DLG2: variants seen among roughly 807,000 people sequenced by gnomAD.
DLG2 encodes the protein discs large MAGUK scaffold protein 2, also known as disks large homolog 2.
DLG2 carries 45 observed loss-of-function variants against 132.5 expected under a neutral mutation model. That is an observed-to-expected ratio of 0.34 (90% confidence interval 0.27 to 0.44). The LOEUF is 0.44. Ranked by LOEUF, DLG2 falls within the 20% of genes least tolerant of loss-of-function variation. The probability of loss-of-function intolerance (pLI) is 1.00; values close to 1 mark genes in which losing one functional copy is unlikely to be tolerated. For missense variants in DLG2, 1,045 were observed against 1,196.9 expected (o/e 0.87, Z 1.87); for synonymous variants, 424 against 419.6 (o/e 1.01, Z -0.13).
intron 7 of DLG2, among the ~76,000 whole-genome samples, chr11:84,488,302 G>T (rs1377930963): frequency 6.6e-6 from 1 of 152,122 alleles, no homozygotes; most frequent in Non-Finnish European, 1.5e-5. Flanking sequence ...TGACTTCACT[G>T]GAAAGGAATC....
At chr11:83,526,162 G>A (rs373245364) in intron 21 of DLG2, among the ~76,000 whole-genome samples, 12 of 152,262 alleles carry the variant, frequency 7.9e-5, no homozygotes, top group East Asian at 5.8e-4. Context: ...TAAAGGGAGC[G>A]TAAGGCTTTG....
At chr11:85,004,125 G>T (rs2058441254) in intron 6 of DLG2, among the ~76,000 whole-genome samples, 1 of 152,124 alleles carries the variant, frequency 6.6e-6, no homozygotes, top group African/African-American at 2.4e-5. Flanking sequence ...TATCATTGAT[G>T]GGCATTTGGG....
At position 84,574,851 on chromosome 11, in the gene DLG2, C is replaced by G. The variant is rs974073262; in HGVS notation, c.358-40120G>C. Among the ~76,000 whole-genome samples the G allele has an allele frequency of 2.6e-5, 4 of 152,126 alleles. No homozygotes were observed. The East Asian group carries it at 7.7e-4, about 29-fold the overall frequency. On this transcript the variant is annotated intron_variant, in intron 6 of 27. Transcript: ENST00000376104. ...CTCCACACTTGCCCAAGCCAGAGAC[C>G]TGGGCATTATCTGACTTTTCCCATT...
At chr11:85,583,130 G>GTGTGTGTGTA (rs1555190569) in intron 3 of DLG2, among the ~76,000 whole-genome samples, 23 of 13,602 alleles carry the variant, frequency 1.7e-3, no homozygotes, top group African/African-American at 3.6e-3. Flanking sequence ...GTGTGTGTGT[G>GTGTGTGTGTA]TATATATATA....
chr11:84,777,195 T>C (rs956521381), intron 6 of DLG2, among the ~76,000 whole-genome samples: 1 of 149,596 alleles, frequency 6.7e-6, no homozygotes, highest in Non-Finnish European at 1.5e-5. Flanking sequence ...GACCTCCAGT[T>C]CCATCCATGT....
intron 7 of DLG2, among the ~76,000 whole-genome samples, chr11:84,377,671 G>A (rs1283073600): frequency 1.3e-5 from 2 of 152,098 alleles, no homozygotes; most frequent in Non-Finnish European, 2.9e-5. Flanking sequence ...ACATTACATC[G>A]TATCTACTAT....
intron 4 of DLG2, among the ~76,000 whole-genome samples, chr11:85,228,467 T>C (rs981176074): frequency 2.0e-5 from 3 of 152,096 alleles, no homozygotes; most frequent in Non-Finnish European, 4.4e-5. Flanking sequence ...TTAGAATGCT[T>C]CCCATTTAAG....
At chr11:84,248,560 G>GA (rs1429512322) in intron 8 of DLG2, among the ~76,000 whole-genome samples, 2 of 152,036 alleles carry the variant, frequency 1.3e-5, no homozygotes, top group Non-Finnish European at 2.9e-5. Context: ...CATTAAGTAT[G>GA]AAAAAGTTGA....
intron 6 of DLG2, among the ~76,000 whole-genome samples, chr11:84,870,005 G>A (rs888022125): frequency 6.6e-6 from 1 of 152,192 alleles, no homozygotes; most frequent in Non-Finnish European, 1.5e-5. Flanking sequence ...AATTCCACTG[G>A]CTTCCTGGTT....
At chr11:84,360,711 T>C (rs780657410) in intron 7 of DLG2, among the ~76,000 whole-genome samples, 2 of 151,822 alleles carry the variant, frequency 1.3e-5, no homozygotes, top group African/African-American at 4.8e-5. Context: ...AGGACTATCA[T>C]GAACAGACAG....
intron 7 of DLG2, among the ~76,000 whole-genome samples, chr11:84,336,485 C>T (rs993777561): frequency 1.1e-4 from 17 of 152,156 alleles, no homozygotes; most frequent in Non-Finnish European, 2.4e-4. Context: ...GTATTCCTCC[C>T]TTACTTCCAA....
intron 6 of DLG2, among the ~76,000 whole-genome samples, chr11:84,675,826 A>G (rs1227529130): frequency 6.6e-6 from 1 of 152,090 alleles, no homozygotes; most frequent in Non-Finnish European, 1.5e-5. Context: ...AGGTTTCCCA[A>G]CTGAGAGTAA....
chr11:84,145,433 A>G (rs2095042012), intron 9 of DLG2, among the ~76,000 whole-genome samples: 1 of 152,216 alleles, frequency 6.6e-6, no homozygotes, highest in Non-Finnish European at 1.5e-5. Flanking sequence ...TTGCAACACA[A>G]TAGTGAATAT....
At chr11:85,210,607 T>C (rs757961345) in intron 4 of DLG2, among the ~76,000 whole-genome samples, 1 of 152,128 alleles carries the variant, frequency 6.6e-6, no homozygotes, top group Non-Finnish European at 1.5e-5. Context: ...AAAAGAACTT[T>C]CTTGGGGAGC....
chr11:85,534,274 CA>C (rs1167717415), intron 3 of DLG2, among the ~76,000 whole-genome samples: 1 of 151,954 alleles, frequency 6.6e-6, no homozygotes, highest in Non-Finnish European at 1.5e-5. Flanking sequence ...GAAAGCAATT[CA>C]AATTAAATTA....
chr11:84,549,776 T>C (rs570815868), intron 6 of DLG2, among the ~76,000 whole-genome samples: 18 of 152,158 alleles, frequency 1.2e-4, no homozygotes, highest in African/African-American at 4.1e-4. Context: ...GTTTTTGAGA[T>C]GGAGTCTCGC....
intron 18 of DLG2, among the ~76,000 whole-genome samples, chr11:83,753,623 T>A (rs1331210728): frequency 7.1e-6 from 1 of 140,928 alleles, no homozygotes; most frequent in Non-Finnish European, 1.5e-5. Flanking sequence ...TTAAAATATA[T>A]ATATAAAATT....
At chr11:85,462,200 G>A (rs904092244) in intron 3 of DLG2, among the ~76,000 whole-genome samples, 20 of 152,322 alleles carry the variant, frequency 1.3e-4, no homozygotes, top group Middle Eastern at 3.4e-3. Context: ...TACACTGTTG[G>A]TGGGACGGTA....
At chr11:85,498,959 A>G (rs2093731005) in intron 3 of DLG2, among the ~76,000 whole-genome samples, 1 of 152,222 alleles carries the variant, frequency 6.6e-6, no homozygotes. Context: ...AGGGAAATTT[A>G]TAGCACTAAA....
Sources: allele counts gnomAD v4.1 joint callset (sites outside exome capture counted in the v4.1 genomes callset), GRCh38; gene constraint gnomAD v4.1.1; transcripts MANE v1.5; gene names NCBI Gene and HGNC (gene_info 2026-07-23, HGNC 2026-07-21).